RIMS2: variants seen among roughly 807,000 people sequenced by gnomAD.
RIMS2 encodes regulating synaptic membrane exocytosis protein 2.
Under a neutral mutation model 174.4 loss-of-function variants are expected in RIMS2, and 59 were observed. The ratio of observed to expected loss-of-function variants is 0.34; its 90% confidence interval spans 0.27 to 0.42. The LOEUF (loss-of-function observed/expected upper bound fraction) is 0.42. Ranked by LOEUF, RIMS2 falls within the 10% of genes least tolerant of loss-of-function variation. The probability of loss-of-function intolerance (pLI) is 1.00; values close to 1 mark genes in which losing one functional copy is unlikely to be tolerated. For missense variants in RIMS2, 1,620 were observed against 1,666.3 expected, an observed-to-expected ratio of 0.97 and a Z score of 0.48; for synonymous variants, 606 against 572.5, an observed-to-expected ratio of 1.06 and a Z score of -0.84.
intron 3 of RIMS2, among the ~76,000 whole-genome samples, chr8:103,812,223 T>C (rs918318288): frequency 1.3e-5 from 2 of 152,192 alleles, no homozygotes; most frequent in Non-Finnish European, 2.9e-5. Flanking sequence ...TTTAGATTTG[T>C]AGTGTGCTTA....
intron 19 of RIMS2, among the ~76,000 whole-genome samples, chr8:104,157,621 A>G (rs572256191): frequency 1.3e-5 from 2 of 152,276 alleles, no homozygotes; most frequent in East Asian, 1.9e-4. Context: ...ACTGCTCTAG[A>G]TATTTCTACT....
intron 17 of RIMS2, among the ~76,000 whole-genome samples, chr8:104,009,988 AGATG>A (rs923960591): frequency 1.1e-4 from 7 of 64,548 alleles, no homozygotes; most frequent in East Asian, 6.7e-4. Context: ...ATGGATGGAT[AGATG>A]GATGGATGGA....
chr8:104,226,214 A>C (rs777441701), intron 19 of RIMS2, among the ~76,000 whole-genome samples: 11 of 152,252 alleles, frequency 7.2e-5, no homozygotes, highest in Non-Finnish European at 4.4e-5. Context: ...TCTACTAACC[A>C]GTATGATTTA....
chr8:104,018,904 T>C (rs146721632), intron 19 of RIMS2, among the ~76,000 whole-genome samples: 1,526 of 152,348 alleles, frequency 0.01, 28 homozygotes, highest in African/African-American at 0.035. Flanking sequence ...CTAAATGAAA[T>C]GCATACCTTT....
At chr8:104,205,510 T>TGTGTGTGTGTGC (rs777115088) in intron 19 of RIMS2, among the ~76,000 whole-genome samples, 6 of 151,962 alleles carry the variant, frequency 3.9e-5, no homozygotes, top group African/African-American at 1.4e-4. Flanking sequence ...TGTGTGTGTG[T>TGTGTGTGTGTGC]GCGCGCACAT....
At chr8:103,523,943 T>C (rs1048772742) in intron 1 of RIMS2, among the ~76,000 whole-genome samples, 1 of 152,190 alleles carries the variant, frequency 6.6e-6, no homozygotes, top group African/African-American at 2.4e-5. Context: ...ATTAAAATTG[T>C]TACTTGCCTT....
chr8:104,005,353 G>C (rs1180101155), intron 17 of RIMS2, among the ~76,000 whole-genome samples: 3 of 152,172 alleles, frequency 2.0e-5, no homozygotes, highest in African/African-American at 7.2e-5. Flanking sequence ...TCCCCTCCTG[G>C]ATTCCTGGAC....
chr8:103,894,000 C>T (rs1486431821), intron 4 of RIMS2, among the ~76,000 whole-genome samples: 2 of 152,004 alleles, frequency 1.3e-5, no homozygotes, highest in South Asian at 2.1e-4. Flanking sequence ...TTTAAGGCAC[C>T]ATGGAATGTG....
intron 3 of RIMS2, among the ~76,000 whole-genome samples, chr8:103,846,878 C>T (rs1197655545): frequency 1.3e-5 from 2 of 152,044 alleles, no homozygotes; most frequent in Non-Finnish European, 1.5e-5. Flanking sequence ...AGAGTCTGAG[C>T]TCCTTGTCAT....
intron 14 of RIMS2, among the ~76,000 whole-genome samples, chr8:103,943,817 C>A (rs1343837790): frequency 6.6e-6 from 1 of 152,076 alleles, no homozygotes; most frequent in African/African-American, 2.4e-5. Flanking sequence ...GTTTTAGCAA[C>A]ATTTTGTCAA....
intron 14 of RIMS2, among the ~76,000 whole-genome samples, chr8:103,946,569 T>A (rs1213674108): frequency 6.6e-6 from 1 of 151,974 alleles, no homozygotes; most frequent in Admixed American, 6.6e-5. Context: ...ATGTTCAAAC[T>A]CGTACAATAA....
chr8:103,725,982 C>T (rs558094880), intron 2 of RIMS2, among the ~76,000 whole-genome samples: 1 of 152,224 alleles, frequency 6.6e-6, no homozygotes, highest in African/African-American at 2.4e-5. Flanking sequence ...CTGCTTCAAT[C>T]TTGTGCCTAT....
intron 1 of RIMS2, among the ~76,000 whole-genome samples, chr8:103,595,404 C>G (rs959500299): frequency 6.6e-6 from 1 of 151,858 alleles, no homozygotes; most frequent in Non-Finnish European, 1.5e-5. Flanking sequence ...GTCCCTCACC[C>G]TCAAGTTTTT....
chr8:104,147,402 G>T (rs1029429045), intron 19 of RIMS2, among the ~76,000 whole-genome samples: 66 of 151,538 alleles, frequency 4.4e-4, no homozygotes, highest in Middle Eastern at 3.4e-3. Flanking sequence ...ACTTGGAGAA[G>T]ATATTACATA....
At chr8:104,220,778 T>C (rs934187350) in intron 19 of RIMS2, among the ~76,000 whole-genome samples, 4 of 152,020 alleles carry the variant, frequency 2.6e-5, no homozygotes, top group Non-Finnish European at 4.4e-5. Flanking sequence ...ATTTTTACTG[T>C]TAACTTTTTC....
intron 17 of RIMS2, among the ~76,000 whole-genome samples, chr8:103,992,737 T>G (rs766172934): frequency 1.3e-5 from 2 of 152,220 alleles, no homozygotes; most frequent in African/African-American, 2.4e-5. Flanking sequence ...GTCAAAATCC[T>G]ATTCTGCTTT....
Position 103,719,072 on chromosome 8 carries a change from A to T in RIMS2, c.387+21776A>T, listed in dbSNP as rs78127041. ...CTGTGTGACACAGTTCTAGCAAATG[A>T]GTTATAAGAAAGTCTTTGAGAGCTG... is the stretch of plus-strand genomic sequence containing the variant. On this transcript the variant is annotated intron_variant, in intron 2 of 23. Transcript: ENST00000504942. Among the ~76,000 whole-genome samples the T allele has an allele frequency of 8.0e-3, 1,213 of 152,230 alleles. 18 individuals carry two copies. Among genetic ancestry groups the T allele is most frequent in the Non-Finnish European group, 6.9e-3 (471 of 68,014 alleles).
chr8:103,956,505 A>G (rs1322182631), intron 14 of RIMS2, among the ~76,000 whole-genome samples: 1 of 152,222 alleles, frequency 6.6e-6, no homozygotes, highest in African/African-American at 2.4e-5. Flanking sequence ...TGGGAAAAGG[A>G]TTCCCTATAT....
At chr8:103,970,244 C>T (rs2092710909) in intron 15 of RIMS2, among the ~76,000 whole-genome samples, 1 of 152,020 alleles carries the variant, frequency 6.6e-6, no homozygotes, top group Admixed American at 6.6e-5. Flanking sequence ...CTCATTTTTT[C>T]CCTCCTCCCT....
Sources: gnomAD v4.1 joint callset for allele counts (sites outside exome capture counted in the v4.1 genomes callset) on GRCh38, gnomAD v4.1.1 for gene constraint, MANE v1.5 for transcripts, NCBI Gene and HGNC (gene_info 2026-07-23, HGNC 2026-07-21) for gene names.